ITGA6: variants seen among roughly 807,000 people sequenced by gnomAD.
ITGA6 encodes integrin subunit alpha 6.
A neutral mutation model predicts 133.6 loss-of-function variants in ITGA6; 63 were observed. That is an observed-to-expected ratio of 0.47 (90% CI 0.38 to 0.58). The LOEUF is 0.58. Among genes scored for constraint, ITGA6 ranks in the 20% least tolerant of loss-of-function variants. The pLI, the probability that ITGA6 is intolerant of heterozygous loss-of-function variation, is 0.00. For missense variants in ITGA6, 1,068 were observed against 1,309.4 expected (o/e 0.82, Z 2.85); for synonymous variants, 434 against 482.0 (o/e 0.90, Z 1.30).
chr2:172,427,564 C>T (rs1414737204), upstream of ITGA6: 4 of 1,217,202 alleles, frequency 3.3e-6, no homozygotes, highest in East Asian at 3.6e-5. Context: ...CTTGATAAAA[C>T]GCCTGCGAGT....
At chr2:172,466,165 A>AG (rs1233466425) in intron 2 of ITGA6, 3 of 209,744 alleles carry the variant, frequency 1.4e-5, no homozygotes, top group African/African-American at 7.0e-5. Context: ...AGATACCATG[A>AG]GGTAGGCATG....
intron 1 of ITGA6, among the ~76,000 whole-genome samples, chr2:172,435,803 G>A (rs1193452141): frequency 1.3e-5 from 2 of 151,390 alleles, no homozygotes; most frequent in Non-Finnish European, 1.5e-5. Context: ...ATTTTTTTGT[G>A]TTTTTAGTAG....
intron 1 of ITGA6, among the ~76,000 whole-genome samples, chr2:172,433,876 G>A (rs753306887): frequency 2.6e-5 from 4 of 152,204 alleles, no homozygotes; most frequent in Non-Finnish European, 4.4e-5. Context: ...TCAGAGATGA[G>A]TGGACAGATG....
chr2:172,476,632 G>T, intron 9 of ITGA6, 119 bp downstream of exon 9: 1 of 717,462 alleles, frequency 1.4e-6, no homozygotes, highest in East Asian at 2.5e-5. Flanking sequence ...GAATTGTGAA[G>T]CTATTTCTTT....
At chr2:172,467,948 A>T (rs899195611) in intron 3 of ITGA6, among the ~76,000 whole-genome samples, 3 of 135,164 alleles carry the variant, frequency 2.2e-5, no homozygotes, top group Admixed American at 7.3e-5. Context: ...CTCCATCTCA[A>T]AAAAAAGAAA....
At position 172,457,295 on chromosome 2, in the gene ITGA6, C is replaced by CAAAAAAAAA. The variant is rs71403305; in HGVS notation, c.183-8232_183-8224dup. ...GGGTGACAGAGCGAGATTCTGTCTC[C>CAAAAAAAAA]AAAAAAAAAAAAAAAAAAAAGAAGC... On this transcript the variant is annotated intron_variant, in intron 1 of 25. Coordinates refer to ENST00000684293, the MANE Select transcript of ITGA6 (RefSeq NM_000210.4). 1.4e-3 allele frequency among the ~76,000 whole-genome samples: 114 copies of CAAAAAAAAA among 79,210 alleles called. 3 individuals carry two copies. The highest frequency in any genetic ancestry group is 4.7e-3 in the African/African-American group (95 of 20,318). The allele number at this position is 79,210 out of a possible 152,430, so 52.0% of individuals were successfully genotyped here.
At chr2:172,472,921 G>A (rs759530709) in intron 5 of ITGA6, 2 of 1,367,008 alleles carry the variant, frequency 1.5e-6, no homozygotes, top group South Asian at 1.2e-5. Context: ...CAAATAAATT[G>A]TCTTGGTTGT....
rs1406854732 is a variant in ITGA6, at chr2:172,474,122, C to T, written c.843C>T (p.Pro281=). The change falls in exon 6 of 26, where the codon CCC becomes CCT. Residue 281 remains proline, a synonymous_variant. Coordinates refer to ENST00000684293, the MANE Select transcript of ITGA6 (RefSeq NM_000210.4). ...AGATCACTTTTGTATCTGGTGCTCC[C>T]AGAGCCAATCACAGTGGAGCCGTGG... ...KDEITFVSGA[P]RANHSGAVVL... The T allele has an allele frequency of 6.2e-7, 1 of 1,613,828 alleles. No individual in the cohort carries two copies. Among genetic ancestry groups the T allele is most frequent in the African/African-American group, 1.3e-5 (1 of 74,890 alleles).
Position 172,485,108 on chromosome 2 carries a change from G to A in ITGA6, c.1711-13G>A. ...ACACCCCACTTAACTCTGACTGCAT[G>A]CTTTTCATGCAGGATAATATCAGAG... On this transcript the variant is annotated splice_polypyrimidine_tract_variant and intron_variant, in intron 12 of 25. Coordinates refer to ENST00000684293, the MANE Select transcript of ITGA6 (RefSeq NM_000210.4). The A allele has an allele frequency of 1.2e-6, 2 of 1,613,892 alleles. No individual in the cohort carries two copies. The highest frequency in any genetic ancestry group is 1.7e-5 in the Admixed American group (1 of 60,026).
chr2:172,489,194 C>T (rs534813405), intron 19 of ITGA6, among the ~76,000 whole-genome samples: 118 of 151,890 alleles, frequency 7.8e-4, no homozygotes, highest in Non-Finnish European at 1.4e-3. Context: ...TTTCCCTGGG[C>T]GTATGTTGAG....
intron 7 of ITGA6, 84 bp from the exon 8 acceptor site, chr2:172,475,513 G>A: frequency 1.2e-6 from 1 of 848,616 alleles, no homozygotes; most frequent in East Asian, 2.4e-5. Context: ...AAATAATAGT[G>A]CTTGTGTCAT....
chr2:172,434,884 G>T (rs538030518), intron 1 of ITGA6, among the ~76,000 whole-genome samples: 16 of 152,022 alleles, frequency 1.1e-4, no homozygotes, highest in Non-Finnish European at 2.1e-4. Context: ...ATTTGAAAGG[G>T]GCACACTGGT....
chr2:172,497,192 C>T (rs1687159464), intron 23 of ITGA6, among the ~76,000 whole-genome samples: 1 of 152,098 alleles, frequency 6.6e-6, no homozygotes, highest in African/African-American at 2.4e-5. Flanking sequence ...CCTTTTCTTT[C>T]CATTGCTGAA....
intron 11 of ITGA6, among the ~76,000 whole-genome samples, chr2:172,482,435 C>T (rs1686485633): frequency 6.6e-6 from 1 of 152,136 alleles, no homozygotes; most frequent in African/African-American, 2.4e-5. Flanking sequence ...TGTGGTGTTC[C>T]ATACATATAG....
At position 172,506,453 on chromosome 2, in the gene ITGA6, C is replaced by G. The variant is rs1308364793; in HGVS notation, c.*2385C>G. ...AAGAAACCTACAGGTATTTAACAAC[C>G]TACAAATTGGGAGTTGTCTTTGGAC... On this transcript the variant is annotated 3_prime_UTR_variant, in exon 26 of 26. Coordinates refer to ENST00000684293, the MANE Select transcript of ITGA6 (RefSeq NM_000210.4). 6.6e-6 allele frequency among the ~76,000 whole-genome samples: 1 copy of G among 151,966 alleles called. No homozygotes were observed. Among genetic ancestry groups the G allele is most frequent in the African/African-American group, 2.4e-5 (1 of 41,376 alleles).
In ITGA6 at chr2:172,484,915, G is replaced by A. The variant is rs1686598167; in HGVS notation, c.1683G>A (p.Val561=). 1.2e-6 allele frequency: 2 copies of A among 1,614,202 alleles called. No individual in the cohort carries two copies. The highest frequency in any genetic ancestry group is 1.7e-6 in the Non-Finnish European group (2 of 1,180,030). The part of the protein sequence containing the change: ...ELTLKRQKQK[V]CMEETLWLQD... ...CTCTGAAGAGGCAGAAACAGAAAGT[G>A]TGCATGGAGGAAACCCTGTGGCTAC... The change falls in exon 12 of 26, where the codon GTG becomes GTA. Residue 561 remains valine (V), a synonymous_variant. Coordinates refer to ENST00000684293, the MANE Select transcript of ITGA6 (RefSeq NM_000210.4).
At chr2:172,469,969 A>G (rs908639363) in intron 4 of ITGA6, among the ~76,000 whole-genome samples, 1 of 152,174 alleles carries the variant, frequency 6.6e-6, no homozygotes, top group Non-Finnish European at 1.5e-5. Flanking sequence ...TAGAGAGGTA[A>G]AGAAGAAAAT....
At position 172,474,919 on chromosome 2, in the gene ITGA6, A is replaced by G. The variant is rs1323343175; in HGVS notation, c.987-10A>G. On this transcript the variant is annotated splice_polypyrimidine_tract_variant and intron_variant, in intron 6 of 25. Coordinates refer to ENST00000684293, the MANE Select transcript of ITGA6 (RefSeq NM_000210.4). ...TGGTTCACGGCTCTTTCCCCTCATT[A>G]TGTTTTTAGGTGGCAAGATATAGTT... 2 of 1,426,158 alleles carry G rather than the reference A, an allele frequency of 1.4e-6. No individual in the cohort carries two copies. The highest frequency in any genetic ancestry group is 2.0e-6 in the Non-Finnish European group (2 of 1,008,856). The allele number at this position is 1,426,158 out of a possible 1,614,324, so 88.3% of individuals were successfully genotyped here.
intron 3 of ITGA6, among the ~76,000 whole-genome samples, chr2:172,467,767 A>C (rs1392852269): frequency 6.6e-6 from 1 of 152,156 alleles, no homozygotes; most frequent in Non-Finnish European, 1.5e-5. Flanking sequence ...CGGGCGGATC[A>C]CCTGAGGTCA....
Sources: allele counts gnomAD v4.1 joint callset (sites outside exome capture counted in the v4.1 genomes callset), GRCh38; gene constraint gnomAD v4.1.1; transcripts MANE v1.5; gene names NCBI Gene and HGNC (gene_info 2026-07-23, HGNC 2026-07-21).